The following EDIL3 variants were observed in gnomAD, a reference collection of about 807,000 sequenced individuals.
EDIL3 encodes EGF like and discoidin domains 3.
A neutral mutation model predicts 67.4 loss-of-function variants in EDIL3; 37 were observed. That is an observed-to-expected ratio of 0.55 (90% CI 0.42 to 0.72). EDIL3 has a LOEUF of 0.72. EDIL3 is among the 30% of genes least tolerant of loss of function. The probability of loss-of-function intolerance (pLI) is 0.00; values close to 1 mark genes in which losing one functional copy is unlikely to be tolerated. For synonymous variants in EDIL3, 195 were observed against 196.3 expected (o/e 0.99, Z 0.05); for missense variants, 527 against 586.3 (o/e 0.90, Z 1.04).
intron 1 of EDIL3, among the ~76,000 whole-genome samples, chr5:84,262,444 G>C (rs1315415479): frequency 1.3e-5 from 2 of 151,958 alleles, no homozygotes; most frequent in African/African-American, 4.8e-5. Flanking sequence ...AGCTTTCTTT[G>C]TTAATTCACT....
At position 84,080,773 on chromosome 5, in the gene EDIL3, A is replaced by T. The variant is rs150416439; in HGVS notation, c.652-14167T>A. ...AATATGTTTAAACAATGAAATAAAA[A>T]GAAGTATCAATTATAAATTTCTTGA... is the stretch of plus-strand genomic sequence containing the variant. On this transcript the variant is annotated intron_variant, in intron 6 of 10. Coordinates refer to ENST00000296591, the MANE Select transcript of EDIL3 (RefSeq NM_005711.5). Among the ~76,000 whole-genome samples, 926 of 152,342 alleles carry T rather than the reference A, an allele frequency of 6.1e-3. 4 individuals carry two copies. The highest frequency in any genetic ancestry group is 0.014 in the Middle Eastern group (4 of 294).
chr5:84,036,228 T>C (rs1466039385), intron 9 of EDIL3, among the ~76,000 whole-genome samples: 1 of 152,182 alleles, frequency 6.6e-6, no homozygotes, highest in African/African-American at 2.4e-5. Context: ...TGTCCGGTTC[T>C]TGGGGCAGGT....
intron 1 of EDIL3, among the ~76,000 whole-genome samples, chr5:84,344,055 A>G (rs1321158871): frequency 3.3e-5 from 5 of 152,042 alleles, no homozygotes; most frequent in African/African-American, 1.2e-4. Flanking sequence ...AATGTTGCCT[A>G]CCTATCTCTG....
intron 6 of EDIL3, among the ~76,000 whole-genome samples, chr5:84,078,008 C>T (rs1358633690): frequency 6.6e-6 from 1 of 152,018 alleles, no homozygotes; most frequent in East Asian, 1.9e-4. Flanking sequence ...AATTTACAGC[C>T]AACAGAATGG....
At chr5:84,273,991 G>A (rs900586027) in intron 1 of EDIL3, among the ~76,000 whole-genome samples, 1 of 150,104 alleles carries the variant, frequency 6.7e-6, no homozygotes, top group Non-Finnish European at 1.5e-5. Flanking sequence ...CCACAGGTGG[G>A]GATGATCTAA....
At chr5:84,095,655 A>C (rs1473713939) in intron 6 of EDIL3, among the ~76,000 whole-genome samples, 1 of 152,204 alleles carries the variant, frequency 6.6e-6, no homozygotes, top group African/African-American at 2.4e-5. Context: ...GGTGCTGTTA[A>C]AGGCATTCAG....
In EDIL3 at chr5:84,095,998, G is replaced by GATTT. The variant is rs1747255973; in HGVS notation, c.651+10647_651+10650dup. Among the ~76,000 whole-genome samples, 7 of 152,162 alleles carry GATTT rather than the reference G, an allele frequency of 4.6e-5. No individual in the cohort carries two copies. The South Asian group carries it at 1.4e-3, about 32-fold the overall frequency. On this transcript the variant is annotated intron_variant, in intron 6 of 10. Coordinates refer to ENST00000296591, the MANE Select transcript of EDIL3 (RefSeq NM_005711.5). ...TTCTGTAGTACAAATTTCACATACG[G>GATTT]ATTTTTTTATGAAGTCAATAATTGG...
intron 8 of EDIL3, among the ~76,000 whole-genome samples, chr5:84,062,170 T>TG (rs1317139785): frequency 6.6e-6 from 1 of 151,996 alleles, no homozygotes; most frequent in African/African-American, 2.4e-5. Context: ...ATATTCTGGG[T>TG]GAAAAAAAAG....
chr5:84,009,675 G>A (rs1218658111), intron 9 of EDIL3, among the ~76,000 whole-genome samples: 4 of 152,164 alleles, frequency 2.6e-5, no homozygotes, highest in East Asian at 1.9e-4. Context: ...CCTGTCATGA[G>A]TCGCTGCTAC....
At chr5:83,970,239 T>C (rs899506525) in intron 9 of EDIL3, among the ~76,000 whole-genome samples, 2 of 133,428 alleles carry the variant, frequency 1.5e-5, no homozygotes, top group Admixed American at 8.3e-5. Flanking sequence ...ATTTTCTTAA[T>C]TGTTCAGTGT....
At chr5:84,047,630 A>C (rs1746247027) in intron 9 of EDIL3, 1 of 152,080 alleles carries the variant, frequency 6.6e-6, no homozygotes, top group African/African-American at 2.4e-5. Context: ...TGATTTAGAC[A>C]CCAGAATTTT....
At chr5:84,133,505 G>T (rs1748034237) in intron 5 of EDIL3, among the ~76,000 whole-genome samples, 1 of 150,684 alleles carries the variant, frequency 6.6e-6, no homozygotes. Context: ...GAGTGGTGGT[G>T]CGTGCCTGTA....
chr5:84,112,445 C>T (rs1467019802), intron 5 of EDIL3, among the ~76,000 whole-genome samples: 1 of 152,122 alleles, frequency 6.6e-6, no homozygotes, highest in African/African-American at 2.4e-5. Context: ...ATAGGTGTTT[C>T]CTTTCATTGA....
chr5:83,988,965 C>T (rs1745100264), intron 9 of EDIL3, among the ~76,000 whole-genome samples: 1 of 152,162 alleles, frequency 6.6e-6, no homozygotes, highest in Admixed American at 6.5e-5. Context: ...AGTTCTTTAA[C>T]ACTCTGAAAA....
chr5:84,311,835 G>A (rs1746395662), intron 1 of EDIL3, among the ~76,000 whole-genome samples: 1 of 152,158 alleles, frequency 6.6e-6, no homozygotes, highest in African/African-American at 2.4e-5. Flanking sequence ...ATTTAACCCT[G>A]AGTGGACACA....
At chr5:84,055,816 G>A (rs909664120) in intron 9 of EDIL3, among the ~76,000 whole-genome samples, 2 of 152,190 alleles carry the variant, frequency 1.3e-5, no homozygotes, top group African/African-American at 4.8e-5. Context: ...AACAACAGGT[G>A]CTGGAGAGGA....
chr5:84,200,173 T>C (rs1223370212), intron 3 of EDIL3, among the ~76,000 whole-genome samples: 4 of 152,108 alleles, frequency 2.6e-5, no homozygotes, highest in African/African-American at 9.7e-5. Context: ...AAAACCTTTC[T>C]TAAAAAGCAG....
chr5:84,194,535 T>C (rs1385445450), intron 3 of EDIL3, among the ~76,000 whole-genome samples: 1 of 151,926 alleles, frequency 6.6e-6, no homozygotes, highest in Non-Finnish European at 1.5e-5. Context: ...GACTCAAATA[T>C]TTGAGAAGTC....
At chr5:84,280,274 C>A (rs369096101) in intron 1 of EDIL3, among the ~76,000 whole-genome samples, 66 of 152,204 alleles carry the variant, frequency 4.3e-4, no homozygotes, top group African/African-American at 1.4e-3. Context: ...ACTGGTACTG[C>A]CTTCAGTTTC....
Sources: gnomAD v4.1 joint callset for allele counts (sites outside exome capture counted in the v4.1 genomes callset) on GRCh38, gnomAD v4.1.1 for gene constraint, MANE v1.5 for transcripts, NCBI Gene and HGNC (gene_info 2026-07-23, HGNC 2026-07-21) for gene names.